Variants in GFUS observed in about 807,000 individuals in gnomAD.
The protein encoded by GFUS is GDP-L-fucose synthase, also known as 3-5 epimerase/4-reductase.
In GFUS, 42 loss-of-function variants were observed where a neutral mutation model predicts 41.5. The observed-to-expected ratio is 1.01, with a 90% CI of 0.79 to 1.31. The LOEUF (loss-of-function observed/expected upper bound fraction) is 1.31. Among genes scored for constraint, GFUS ranks in the 50% most tolerant of loss-of-function variants. The pLI is 0.00. For synonymous variants in GFUS, 188 were observed against 173.4 expected (o/e 1.08, Z -0.66); for missense variants, 437 against 428.7 (o/e 1.02, Z -0.17).
Position 143,614,932 on chromosome 8 carries a change from G to A in GFUS, c.262-17C>T. The A allele has an allele frequency of 6.3e-7, 1 of 1,588,382 alleles. No homozygotes were observed. Among genetic ancestry groups the A allele is most frequent in the East Asian group, 2.2e-5 (1 of 44,632 alleles). On this transcript the variant is annotated splice_polypyrimidine_tract_variant and intron_variant, in intron 3 of 10. Coordinates refer to ENST00000425753, the MANE Select transcript of GFUS (RefSeq NM_003313.4). ...GTTTTTCCTCTGCAGGGGTGAGGCG[G>A]GGACAGTTCAGGCTCCCCAGGCCAG... is the stretch of plus-strand genomic sequence containing the variant.
At chr8:143,613,411 G>A in intron 9 of GFUS, 113 bp downstream of exon 9, 2 of 1,489,940 alleles carry the variant, frequency 1.3e-6, no homozygotes, top group Non-Finnish European at 1.9e-6. Context: ...CCGCCTGCCA[G>A]GGTGAGCATC....
chr8:143,614,129 G>C (rs550762217), intron 7 of GFUS, 35 bp downstream of exon 7: 1 of 1,610,446 alleles, frequency 6.2e-7, no homozygotes, highest in African/African-American at 1.3e-5. Context: ...AATAGGGCAG[G>C]TTCTCTGGGG....
chr8:143,614,816 T>C lies in GFUS; in HGVS notation c.361A>G (p.Lys121Glu), dbSNP rs1225978035. ...GTCTCATCTATCGGGTAGGTCGTCT[T>C]GTCAGGGAAGATACAGGTGGACAGG... ...SCLSTCIFPD[K>E]TTYPIDETMI... The change falls in exon 4 of 11, where the codon AAG (lysine) becomes GAG (glutamate). Residue 121 changes from lysine to glutamate, a missense_variant. Coordinates refer to ENST00000425753, the MANE Select transcript of GFUS (RefSeq NM_003313.4). 3 of 1,613,624 alleles carry C rather than the reference T, an allele frequency of 1.9e-6. No homozygotes were observed. Among genetic ancestry groups the C allele is most frequent in the East Asian group, 2.2e-5 (1 of 44,874 alleles).
chr8:143,612,958 C>T lies in GFUS; in HGVS notation c.918G>A (p.Lys306=), dbSNP rs1173785844. ...FRFTPFKQAV[K]ETCAWFTDNY... ...TGTCAGTGAACCAAGCACAGGTCTCCTTCACCGCTGCAGAGGCAGGCAGGT... is the reference window on the plus strand; with the variant it reads ...TGTCAGTGAACCAAGCACAGGTCTCTTTCACCGCTGCAGAGGCAGGCAGGT... Residue 306 remains lysine, a synonymous_variant, in exon 11 of 11, where the codon AAG becomes AAA. Coordinates refer to ENST00000425753, the MANE Select transcript of GFUS (RefSeq NM_003313.4). The T allele has an allele frequency of 1.2e-6, 2 of 1,610,284 alleles. No homozygotes were observed. Among genetic ancestry groups the T allele is most frequent in the African/African-American group, 2.7e-5 (2 of 74,822 alleles).
chr8:143,616,813 C>T, intron 1 of GFUS, 90 bp from the exon 2 acceptor site: 1 of 1,512,078 alleles, frequency 6.6e-7, no homozygotes, highest in Non-Finnish European at 9.1e-7. Flanking sequence ...AGAGTGAGGC[C>T]CTCAGAGTGG....
At chr8:143,615,269 G>A (rs768482627) in intron 3 of GFUS, among the ~76,000 whole-genome samples, 5 of 152,158 alleles carry the variant, frequency 3.3e-5, no homozygotes, top group African/African-American at 9.7e-5. Flanking sequence ...CCCACTACAC[G>A]GGGAACAGGG....
Position 143,613,582 on chromosome 8 carries a change from G to A in GFUS, c.752C>T (p.Ser251Phe). The change falls in exon 9 of 11, where the codon TCC (serine) becomes TTC (phenylalanine). Residue 251 changes from serine to phenylalanine, a missense_variant. Physicochemically the swap from Ser to Phe is radical, Grantham distance 155 (BLOSUM62 -2). Coordinates refer to ENST00000425753, the MANE Select transcript of GFUS (RefSeq NM_003313.4). Reference sequence around the variant, plus strand: ...CACCGCCTCGGCTGCCTCCTTGATGGAGACCTCATCTTCCTCGCCCACTGT... The same window carrying A: ...CACCGCCTCGGCTGCCTCCTTGATGAAGACCTCATCTTCCTCGCCCACTGT... ...ILSVGEEDEVSIKEAAEAVVE... is the reference protein window; with the variant it reads ...ILSVGEEDEVFIKEAAEAVVE... 6.2e-7 allele frequency: 1 copy of A among 1,611,864 alleles called. No individual in the cohort carries two copies.
chr8:143,616,518 G>GA (rs1170736401), intron 2 of GFUS, 49 bp downstream of exon 2: 24 of 1,611,286 alleles, frequency 1.5e-5, no homozygotes, highest in Non-Finnish European at 2.0e-5. Context: ...GTTCTAGGGT[G>GA]GGGGGTAGGA....
chr8:143,614,666 A>G lies in GFUS; in HGVS notation c.422T>C (p.Phe141Ser), dbSNP rs772575484. Residue 141 changes from phenylalanine (F) to serine (S), a missense_variant, in exon 5 of 11, where the codon TTT becomes TCT. Transcript: ENST00000425753. Reference protein sequence around the residue: ...IHNGPPHNSNFGYSYAKRMID... With the variant: ...IHNGPPHNSNSGYSYAKRMID... ...CATCCTCTTGGCATACGAGTACCCAAAATTGCTGTTGTGGGGAGGCCCATT... is the reference window on the plus strand; with the variant it reads ...CATCCTCTTGGCATACGAGTACCCAGAATTGCTGTTGTGGGGAGGCCCATT... 1 of 1,608,950 alleles carries G rather than the reference A, an allele frequency of 6.2e-7. No homozygotes were observed. Among genetic ancestry groups the G allele is most frequent in the South Asian group, 1.1e-5 (1 of 90,972 alleles).
chr8:143,615,775 A>C, intron 3 of GFUS: 1 of 294,968 alleles, frequency 3.4e-6, no homozygotes, highest in East Asian at 6.5e-5. Flanking sequence ...CAGAGGCTCC[A>C]GAGGCCCTGG....
chr8:143,616,703 G>A lies in GFUS; in HGVS notation c.10C>T (p.Pro4Ser). 1 of 1,613,684 alleles carries A rather than the reference G, an allele frequency of 6.2e-7. No homozygotes were observed. The highest frequency in any genetic ancestry group is 8.5e-7 in the Non-Finnish European group (1 of 1,179,998). Residue 4 changes from proline (P) to serine (S), a missense_variant, in exon 2 of 11, where the codon CCC becomes TCC. Physicochemically the swap from Pro to Ser is moderately conservative, Grantham distance 74. Transcript: ENST00000425753. Reference protein sequence around the residue: MGEPQGSMRILVTG... With the variant: MGESQGSMRILVTG... ...ACTAGAATCCGCATGGATCCCTGGG[G>A]TTCACCCATGTCAGTTGCACCTGTA...
intron 7 of GFUS, 136 bp downstream of exon 7, chr8:143,614,028 C>T (rs1587301576): frequency 1.5e-6 from 2 of 1,292,024 alleles, no homozygotes; most frequent in East Asian, 2.5e-5. Context: ...AGAGATGGCT[C>T]CTCTTGGAGC....
In GFUS at chr8:143,613,818, C is replaced by G; in HGVS notation, c.664-1G>C. The G allele has an allele frequency of 1.3e-6, 2 of 1,550,744 alleles. No individual in the cohort carries two copies. The highest frequency in any genetic ancestry group is 1.4e-5 in the African/African-American group (1 of 73,162). On this transcript the variant is annotated splice_acceptor_variant, in intron 7 of 10. Transcript: ENST00000425753. LOFTEE classifies it high-confidence loss of function. ...CCCAGATAAAGAGCTGGGCCAGGTC[C>G]TAGAGGTCAGACAGGCAGGGTCAGA...
chr8:143,614,381 G>A lies in GFUS; in HGVS notation c.537C>T (p.Asn179=). ...GCACGTGGCCATCCTCGATGTTGAA[G>A]TTGTCGTGGGGCCCGAAGACGTTGG... The part of the protein sequence containing the change: ...IPTNVFGPHD[N]FNIEDGHVLP... The change falls in exon 6 of 11, where the codon AAC becomes AAT. Residue 179 remains asparagine, a synonymous_variant. Coordinates refer to ENST00000425753, the MANE Select transcript of GFUS (RefSeq NM_003313.4). The A allele has an allele frequency of 6.2e-7, 1 of 1,614,010 alleles. No individual in the cohort carries two copies. The highest frequency in any genetic ancestry group is 8.5e-7 in the Non-Finnish European group (1 of 1,180,002).
At chr8:143,613,083 T>C in intron 10 of GFUS, 113 bp downstream of exon 10, 1 of 1,541,292 alleles carries the variant, frequency 6.5e-7, no homozygotes, top group Non-Finnish European at 8.9e-7. Flanking sequence ...GTGTCCCACC[T>C]CCAGGGCAGT....
At chr8:143,617,802 A>G (rs931738941), upstream of GFUS, 4 of 152,100 alleles carry the variant, frequency 2.6e-5, no homozygotes, top group East Asian at 2.0e-4. Flanking sequence ...GCCAGCCGGC[A>G]GCGCCGCGCG....
upstream of GFUS, chr8:143,617,915 C>T (rs554195037): frequency 6.6e-6 from 1 of 152,216 alleles, no homozygotes; most frequent in African/African-American, 2.4e-5. Flanking sequence ...GTTCCGCCCC[C>T]GAATACGCAG....
Position 143,612,837 on chromosome 8 carries a change from C to T in GFUS, c.*73G>A. 1 of 1,536,692 alleles carries T rather than the reference C, an allele frequency of 6.5e-7. No individual in the cohort carries two copies. The highest frequency in any genetic ancestry group is 8.8e-7 in the Non-Finnish European group (1 of 1,139,638). On this transcript the variant is annotated 3_prime_UTR_variant, in exon 11 of 11. Coordinates refer to ENST00000425753, the MANE Select transcript of GFUS (RefSeq NM_003313.4). ...GCTGGGTGGTGCCCTCAGCTCCTGG[C>T]AGGGTTGACGGGTGGTGGCCGCTGG... is the stretch of plus-strand genomic sequence containing the variant.
In GFUS at chr8:143,616,751, G is replaced by A. The variant is rs759006968; in HGVS notation, c.-11-28C>T. 4.6e-5 allele frequency: 74 copies of A among 1,612,856 alleles called. 1 individual carries two copies. The highest frequency in any genetic ancestry group is 5.8e-5 in the Non-Finnish European group (69 of 1,179,690). ...GTAATGTCAAACAGTGGGAGGCTGA[G>A]GTCATCACGCTCTCATCCTTTGGAG... On this transcript the variant is annotated intron_variant, in intron 1 of 10. Transcript: ENST00000425753.
Sources: gnomAD v4.1 joint callset for allele counts (sites outside exome capture counted in the v4.1 genomes callset) on GRCh38, gnomAD v4.1.1 for gene constraint, MANE v1.5 for transcripts, NCBI Gene and HGNC (gene_info 2026-07-23, HGNC 2026-07-21) for gene names.